TPTE2: variants seen among roughly 807,000 people sequenced by gnomAD.
The protein encoded by TPTE2 is transmembrane phosphoinositide 3-phosphatase and tensin homolog 2, also known as phosphatidylinositol 3,4,5-trisphosphate 3-phosphatase TPTE2.
A neutral mutation model predicts 78.6 loss-of-function variants in TPTE2; 53 were observed. The observed-to-expected ratio is 0.67, with a 90% CI of 0.54 to 0.85. The LOEUF is 0.85. TPTE2 is among the 40% of genes least tolerant of loss of function. TPTE2 has a pLI of 0.00. For synonymous variants in TPTE2, 175 were observed against 206.2 expected, an observed-to-expected ratio of 0.85 and a Z score of 1.30; for missense variants, 461 against 623.0, an observed-to-expected ratio of 0.74 and a Z score of 2.77.
At chr13:19,541,115 G>A (rs1346937094), upstream of TPTE2, among the ~76,000 whole-genome samples, 2 of 152,196 alleles carry the variant, frequency 1.3e-5, no homozygotes, top group East Asian at 3.8e-4. Flanking sequence ...GGAGGTCCCT[G>A]CCTTGTTCTG....
chr13:19,450,891 C>T (rs1376019172), intron 11 of TPTE2, among the ~76,000 whole-genome samples: 14 of 152,108 alleles, frequency 9.2e-5, no homozygotes, highest in Non-Finnish European at 1.9e-4. Context: ...TTTTCCTAAA[C>T]CTAATATGGC....
chr13:19,534,612 A>G (rs1470106629), intron 1 of TPTE2, among the ~76,000 whole-genome samples: 1 of 152,158 alleles, frequency 6.6e-6, no homozygotes. Flanking sequence ...CATCACTCAT[A>G]TACTAGTTTG....
intron 14 of TPTE2, among the ~76,000 whole-genome samples, chr13:19,437,296 T>A (rs1368853314): frequency 6.6e-6 from 1 of 152,164 alleles, no homozygotes; most frequent in South Asian, 2.1e-4. Flanking sequence ...AACCACCACC[T>A]CTTCCCTAGA....
At chr13:19,459,343 A>G (rs1456589831) in intron 10 of TPTE2, among the ~76,000 whole-genome samples, 1 of 152,132 alleles carries the variant, frequency 6.6e-6, no homozygotes, top group Admixed American at 6.5e-5. Flanking sequence ...AACAGCAAAG[A>G]TGGCAGCCAG....
At chr13:19,519,081 T>TGAGAAG (rs1869985529) in intron 1 of TPTE2, among the ~76,000 whole-genome samples, 1 of 152,132 alleles carries the variant, frequency 6.6e-6, no homozygotes, top group African/African-American at 2.4e-5. Context: ...TGATGAAGGC[T>TGAGAAG]GAAGAAAATT....
chr13:19,441,697 A>G (rs547505443), intron 13 of TPTE2, among the ~76,000 whole-genome samples: 10 of 152,196 alleles, frequency 6.6e-5, no homozygotes, highest in Non-Finnish European at 8.8e-5. Flanking sequence ...TACCAGGAAC[A>G]TCATATTAAT....
At chr13:19,520,719 T>C (rs1371536155) in intron 1 of TPTE2, among the ~76,000 whole-genome samples, 5 of 152,002 alleles carry the variant, frequency 3.3e-5, no homozygotes, top group Non-Finnish European at 7.4e-5. Flanking sequence ...TCCATCCTAA[T>C]GTAAGAATTT....
chr13:19,486,996 T>C lies in TPTE2; in HGVS notation c.120-4449A>G, dbSNP rs1187499797. Among the ~76,000 whole-genome samples the C allele has an allele frequency of 6.6e-6, 1 of 152,088 alleles. No individual in the cohort carries two copies. The highest frequency in any genetic ancestry group is 1.5e-5 in the Non-Finnish European group (1 of 68,008). ...GTAGCCCATGGAGCTCTTTCTTAGG[T>C]CCAGGACATGGGCATTCATGGCTGA... On this transcript the variant is annotated intron_variant, in intron 3 of 19. Coordinates refer to ENST00000400230, the Ensembl canonical transcript of TPTE2. The surrounding 1 kb of genome is among the most constrained non-coding windows in gnomAD (Gnocchi z 4.3).
chr13:19,511,654 G>A (rs890347267), intron 1 of TPTE2, among the ~76,000 whole-genome samples: 1 of 152,078 alleles, frequency 6.6e-6, no homozygotes, highest in Non-Finnish European at 1.5e-5. Flanking sequence ...CAAGCCAAAG[G>A]AACACAGGGG....
chr13:19,544,655 G>T, the TPTE2 span, among the ~76,000 whole-genome samples: 2 of 152,130 alleles, frequency 1.3e-5, no homozygotes, highest in African/African-American at 4.8e-5. Flanking sequence ...CAGGAATTTG[G>T]GAGGCCAAGG....
intron 1 of TPTE2, among the ~76,000 whole-genome samples, chr13:19,515,061 C>T (rs138055388): frequency 7.2e-5 from 11 of 152,240 alleles, no homozygotes; most frequent in African/African-American, 1.9e-4. Context: ...CTCTCTACAC[C>T]GTATATTATG....
intron 6 of TPTE2, among the ~76,000 whole-genome samples, chr13:19,468,722 A>T (rs1359891599): frequency 6.6e-6 from 1 of 152,158 alleles, no homozygotes; most frequent in Non-Finnish European, 1.5e-5. Context: ...CTGGGGTGAG[A>T]TGATATCTCA....
At chr13:19,530,050 C>T (rs1244491607) in intron 1 of TPTE2, among the ~76,000 whole-genome samples, 2 of 152,126 alleles carry the variant, frequency 1.3e-5, no homozygotes, top group Non-Finnish European at 2.9e-5. Flanking sequence ...TCTTGCTGAA[C>T]CTAAATGAAG....
chr13:19,434,582 CTTTGTTTTGT>C (rs547488667), intron 15 of TPTE2, among the ~76,000 whole-genome samples: 1 of 148,428 alleles, frequency 6.7e-6, no homozygotes, highest in African/African-American at 2.5e-5. Context: ...CTATGACTAT[CTTTGTTTTGT>C]TTTGTTTTGT....
intron 6 of TPTE2, among the ~76,000 whole-genome samples, chr13:19,472,400 A>G (rs570960838): frequency 2.4e-4 from 37 of 152,312 alleles, no homozygotes; most frequent in African/African-American, 8.9e-4. Flanking sequence ...CCTGTCTTCA[A>G]GCTCATTAAT....
chr13:19,468,057 TTG>T (rs1879390884), intron 6 of TPTE2, among the ~76,000 whole-genome samples: 2 of 70,064 alleles, frequency 2.9e-5, no homozygotes, highest in Non-Finnish European at 5.5e-5. Flanking sequence ...TTTTTTTTTT[TTG>T]AGATGGAGTT....
chr13:19,512,742 C>G (rs1428438305), intron 1 of TPTE2, among the ~76,000 whole-genome samples: 4 of 152,100 alleles, frequency 2.6e-5, no homozygotes, highest in Admixed American at 6.6e-5. Context: ...CCATGCCCAG[C>G]TAATTTTTGT....
chr13:19,538,955 G>C, upstream of TPTE2, among the ~76,000 whole-genome samples: 1 of 152,212 alleles, frequency 6.6e-6, no homozygotes, highest in Non-Finnish European at 1.5e-5. Context: ...AGATGTCAAG[G>C]TCAAGGGGCC....
the TPTE2 span, chr13:19,560,407 T>A: frequency 1.2e-6 from 2 of 1,609,200 alleles, no homozygotes. Flanking sequence ...CCCCTCTTCA[T>A]CCAGGACTAA....
Sources: allele counts gnomAD v4.1 joint callset (sites outside exome capture counted in the v4.1 genomes callset), GRCh38; gene constraint gnomAD v4.1.1; non-coding constraint Gnocchi (gnomAD v3.1); transcripts MANE v1.5; gene names NCBI Gene and HGNC (gene_info 2026-07-23, HGNC 2026-07-21).